The following TMEM132D variants were observed in gnomAD, a reference collection of about 807,000 sequenced individuals.
TMEM132D encodes the protein transmembrane protein 132D.
TMEM132D carries 21 observed loss-of-function variants against 62.3 expected under a neutral mutation model. The observed-to-expected ratio is 0.34, with a 90% confidence interval of 0.24 to 0.49. TMEM132D has a LOEUF of 0.49. Ranked by LOEUF, TMEM132D falls within the 20% of genes least tolerant of loss-of-function variation. TMEM132D has a pLI of 0.99. For synonymous variants in TMEM132D, 621 were observed against 575.6 expected, an observed-to-expected ratio of 1.08 and a Z score of -1.13; for missense variants, 1,346 against 1,402.8, an observed-to-expected ratio of 0.96 and a Z score of 0.65.
intron 2 of TMEM132D, among the ~76,000 whole-genome samples, chr12:129,644,076 A>T (rs972583091): frequency 2.0e-5 from 3 of 152,062 alleles, no homozygotes; most frequent in African/African-American, 7.2e-5. Flanking sequence ...GATGGTCTCC[A>T]TCTCCTGACC....
intron 1 of TMEM132D, among the ~76,000 whole-genome samples, chr12:129,869,024 G>C (rs532450982): frequency 6.6e-6 from 1 of 151,308 alleles, no homozygotes; most frequent in East Asian, 2.0e-4. Context: ...CTGGCCCTTA[G>C]AACCGGTTCC....
At chr12:129,742,928 A>C (rs1404330687) in intron 1 of TMEM132D, among the ~76,000 whole-genome samples, 1 of 152,240 alleles carries the variant, frequency 6.6e-6, no homozygotes, top group Non-Finnish European at 1.5e-5. Context: ...AGCCAGACCA[A>C]GTAATCTGAC....
At chr12:129,606,373 T>C (rs142662212) in intron 2 of TMEM132D, among the ~76,000 whole-genome samples, 170 of 152,232 alleles carry the variant, frequency 1.1e-3, no homozygotes, top group Non-Finnish European at 2.1e-3. Context: ...GTCATATGTA[T>C]GTAGGTAGAG....
chr12:129,254,061 G>A (rs1202795950), intron 4 of TMEM132D, among the ~76,000 whole-genome samples: 3 of 152,158 alleles, frequency 2.0e-5, no homozygotes, highest in South Asian at 2.1e-4. Flanking sequence ...TAGAACCAAC[G>A]TCTTAATTTA....
intron 4 of TMEM132D, among the ~76,000 whole-genome samples, chr12:129,270,645 T>TTG (rs964273931): frequency 1.1e-4 from 16 of 151,552 alleles, no homozygotes; most frequent in Admixed American, 2.6e-4. Flanking sequence ...AAGTTCCATA[T>TTG]TGTGTGTGTG....
chr12:129,903,568 A>T lies in TMEM132D; in HGVS notation c.-229T>A. On this transcript the variant is annotated 5_prime_UTR_variant, in exon 1 of 9. Coordinates refer to ENST00000422113, the MANE Select transcript of TMEM132D (RefSeq NM_133448.3). The surrounding 1 kb of genome is among the most constrained non-coding windows in gnomAD (Gnocchi z 6.2). ...GCTCTCCGGAGTCCAACACGCGCGC[A>T]GGCAAACCCCACCTCCCTCCTTCGA... The T allele has an allele frequency of 1.8e-6, 1 of 565,046 alleles. No homozygotes were observed. Among genetic ancestry groups the T allele is most frequent in the Non-Finnish European group, 3.1e-6 (1 of 317,634 alleles). The allele number at this position is 565,046 out of a possible 1,614,324, so 35.0% of individuals were successfully genotyped here.
intron 4 of TMEM132D, among the ~76,000 whole-genome samples, chr12:129,247,874 T>C (rs1293766295): frequency 2.0e-5 from 3 of 152,012 alleles, no homozygotes; most frequent in Non-Finnish European, 4.4e-5. Flanking sequence ...GTTTTTTTTT[T>C]TTTTATAATG....
Position 129,081,866 on chromosome 12 carries a change from T to C in TMEM132D, c.1816A>G (p.Ile606Val), listed in dbSNP as rs760312838. The C allele has an allele frequency of 3.1e-6, 5 of 1,614,086 alleles. No individual in the cohort carries two copies. In the South Asian group the frequency reaches 5.5e-5, roughly 18 times the overall value. ...HLLGSDWQVD[I>V]TELINDFMQV... is the part of the protein sequence containing the mutation. Reference sequence around the variant, plus strand: ...ATGAAGTCATTTATCAGCTCCGTGATGTCCACTTGCCAGTCTGAGCCCAGC... The same window carrying C: ...ATGAAGTCATTTATCAGCTCCGTGACGTCCACTTGCCAGTCTGAGCCCAGC... Residue 606 changes from isoleucine to valine, a missense_variant, in exon 7 of 9, where the codon ATC becomes GTC. Ile to Val is a conservative substitution (Grantham distance 29, BLOSUM62 3). Coordinates refer to ENST00000422113, the MANE Select transcript of TMEM132D (RefSeq NM_133448.3).
chr12:129,221,605 C>T (rs1335169278), intron 4 of TMEM132D, among the ~76,000 whole-genome samples: 2 of 152,130 alleles, frequency 1.3e-5, no homozygotes, highest in Admixed American at 6.5e-5. Flanking sequence ...TTGGGCAGGT[C>T]CAGCCTAAGT....
At chr12:129,109,625 T>C (rs1006646272) in intron 5 of TMEM132D, 4 of 153,092 alleles carry the variant, frequency 2.6e-5, no homozygotes, top group African/African-American at 9.7e-5. Flanking sequence ...AGTGAATAAA[T>C]CTCACGAGAT....
chr12:129,073,874 C>T lies in TMEM132D; in HGVS notation c.*1G>A, dbSNP rs770149931. 1.9e-5 allele frequency: 29 copies of T among 1,529,626 alleles called. No homozygotes were observed. Among genetic ancestry groups the T allele is most frequent in the African/African-American group, 5.6e-5 (4 of 71,978 alleles). The allele number at this position is 1,529,626 out of a possible 1,614,324, so 94.8% of individuals were successfully genotyped here. A position where few individuals can be genotyped will look rare whatever the true frequency, so the allele number is the denominator to read the frequency against. ...AGAACCAATGTCTGTGTGTGTCTGG[C>T]TTACACATTTTCATGTAACCTCTCC... is the stretch of plus-strand genomic sequence containing the variant. On this transcript the variant is annotated 3_prime_UTR_variant, in exon 9 of 9. Coordinates refer to ENST00000422113, the MANE Select transcript of TMEM132D (RefSeq NM_133448.3).
chr12:129,694,773 C>G (rs1394510533), intron 2 of TMEM132D, among the ~76,000 whole-genome samples: 1 of 152,178 alleles, frequency 6.6e-6, no homozygotes, highest in Non-Finnish European at 1.5e-5. Context: ...CTTTGGGAGG[C>G]TGAGGCGGGC....
rs757165933 is a variant in TMEM132D, at chr12:129,699,925, G to T, written c.853C>A (p.Arg285Ser). Reference protein sequence around the residue: ...THRKPSLRELRLDNSVAIHYI... With the variant: ...THRKPSLRELSLDNSVAIHYI... ...TGGATGGCCACGCTGTTGTCCAGAC[G>T]CAGTTCTCTCAGGGAGGGTTTCCTG... is the stretch of plus-strand genomic sequence containing the variant. The change falls in exon 2 of 9, where the codon CGT (arginine) becomes AGT (serine). Residue 285 changes from arginine (R) to serine (S), a missense_variant. Coordinates refer to ENST00000422113, the MANE Select transcript of TMEM132D (RefSeq NM_133448.3). 6.2e-7 allele frequency: 1 copy of T among 1,614,140 alleles called. No homozygotes were observed. Among genetic ancestry groups the T allele is most frequent in the Non-Finnish European group, 8.5e-7 (1 of 1,180,022 alleles).
At chr12:129,208,649 T>C (rs969132296) in intron 5 of TMEM132D, 3 of 152,222 alleles carry the variant, frequency 2.0e-5, no homozygotes, top group Admixed American at 6.5e-5. Flanking sequence ...CTAGGACTCA[T>C]ATGGAGGGAG....
intron 4 of TMEM132D, among the ~76,000 whole-genome samples, chr12:129,319,258 C>G (rs941149406): frequency 3.3e-5 from 5 of 152,222 alleles, no homozygotes; most frequent in African/African-American, 1.2e-4. Context: ...CTTGGGGACC[C>G]AGCGAGCTCC....
intron 1 of TMEM132D, among the ~76,000 whole-genome samples, chr12:129,787,771 A>G (rs1348739778): frequency 6.6e-6 from 1 of 152,194 alleles, no homozygotes; most frequent in East Asian, 1.9e-4. Flanking sequence ...CATGAGGACC[A>G]CACCAGATGC....
At chr12:129,213,463 C>T (rs1879110520) in intron 4 of TMEM132D, among the ~76,000 whole-genome samples, 1 of 152,086 alleles carries the variant, frequency 6.6e-6, no homozygotes, top group South Asian at 2.1e-4. Context: ...TGCGACTGCA[C>T]CACAGCCTGG....
intron 1 of TMEM132D, among the ~76,000 whole-genome samples, chr12:129,782,510 T>A (rs1871147535): frequency 6.6e-6 from 1 of 152,190 alleles, no homozygotes; most frequent in African/African-American, 2.4e-5. Flanking sequence ...GAGAATTAAG[T>A]AGCACAATGC....
intron 2 of TMEM132D, among the ~76,000 whole-genome samples, chr12:129,660,167 G>A (rs1204945861): frequency 6.6e-6 from 1 of 152,166 alleles, no homozygotes; most frequent in Admixed American, 6.5e-5. Flanking sequence ...AAGAGAGAGA[G>A]AGAGAGAGGC....
Sources: allele counts gnomAD v4.1 joint callset (sites outside exome capture counted in the v4.1 genomes callset), GRCh38; gene constraint gnomAD v4.1.1; non-coding constraint Gnocchi (gnomAD v3.1); transcripts MANE v1.5; gene names NCBI Gene and HGNC (gene_info 2026-07-23, HGNC 2026-07-21).